The following CTNNA3 variants were observed in gnomAD, a reference collection of about 807,000 sequenced individuals.
The protein encoded by CTNNA3 is catenin alpha-3.
Under a neutral mutation model 95.7 loss-of-function variants are expected in CTNNA3, and 76 were observed. That is an observed-to-expected ratio of 0.79 (90% CI 0.66 to 0.96). CTNNA3 has a LOEUF of 0.96. CTNNA3 is among the 40% of genes least tolerant of loss of function. The pLI is 0.00. For missense variants in CTNNA3, 1,191 were observed against 1,089.8 expected (o/e 1.09, Z -1.31); for synonymous variants, 431 against 374.4 (o/e 1.15, Z -1.74).
chr10:66,460,507 T>C (rs939660347), intron 11 of CTNNA3, among the ~76,000 whole-genome samples: 4 of 152,160 alleles, frequency 2.6e-5, no homozygotes, highest in African/African-American at 9.7e-5. Flanking sequence ...CAGGGAACCA[T>C]GCTTGTTCTA....
At chr10:66,920,040 G>T (rs990774601) in intron 7 of CTNNA3, among the ~76,000 whole-genome samples, 15 of 152,088 alleles carry the variant, frequency 9.9e-5, no homozygotes, top group African/African-American at 3.4e-4. Flanking sequence ...AAATACTGAG[G>T]AATGTTTCCT....
chr10:67,012,420 G>A (rs1852396385), intron 7 of CTNNA3: 1 of 151,986 alleles, frequency 6.6e-6, no homozygotes, highest in Admixed American at 6.6e-5. Context: ...AAAATTATTT[G>A]ATATAATATA....
At chr10:67,504,495 G>GA (rs1210916081) in intron 5 of CTNNA3, among the ~76,000 whole-genome samples, 40 of 110,690 alleles carry the variant, frequency 3.6e-4, no homozygotes, top group African/African-American at 8.0e-4. Flanking sequence ...ATAGAAGAAA[G>GA]AAAAAAAAAT....
chr10:66,932,533 A>G (rs961391324), intron 7 of CTNNA3, among the ~76,000 whole-genome samples: 3 of 152,138 alleles, frequency 2.0e-5, no homozygotes, highest in Admixed American at 6.6e-5. Flanking sequence ...GAGTTTTGCT[A>G]TTGTTGTATT....
At chr10:66,041,764 C>G (rs1422828783) in intron 15 of CTNNA3, among the ~76,000 whole-genome samples, 1 of 152,020 alleles carries the variant, frequency 6.6e-6, no homozygotes. Context: ...ACTTTCTGGT[C>G]TTTCTCTATT....
chr10:66,431,823 A>T (rs1283138822), intron 11 of CTNNA3, among the ~76,000 whole-genome samples: 1 of 151,898 alleles, frequency 6.6e-6, no homozygotes, highest in African/African-American at 2.4e-5. Flanking sequence ...GGTGCAGCAC[A>T]CCAACATGGC....
intron 9 of CTNNA3, among the ~76,000 whole-genome samples, chr10:66,653,114 C>T (rs79191595): frequency 6.6e-6 from 1 of 152,072 alleles, no homozygotes; most frequent in South Asian, 2.1e-4. Flanking sequence ...TAAGTCCCAG[C>T]CAGAGCAATT....
intron 7 of CTNNA3, among the ~76,000 whole-genome samples, chr10:66,996,864 C>G (rs375207153): frequency 2.0e-5 from 3 of 152,130 alleles, no homozygotes; most frequent in African/African-American, 2.4e-5. Context: ...TGTGAACTAA[C>G]ATCTGTAAAT....
chr10:66,603,535 T>C (rs751572536), intron 10 of CTNNA3, among the ~76,000 whole-genome samples: 13 of 152,110 alleles, frequency 8.5e-5, no homozygotes, highest in Non-Finnish European at 1.9e-4. Context: ...ACAGATTCAG[T>C]AGAATCCTTA....
intron 13 of CTNNA3, among the ~76,000 whole-genome samples, chr10:66,132,130 A>T (rs2083132707): frequency 1.3e-5 from 2 of 152,194 alleles, no homozygotes; most frequent in Non-Finnish European, 2.9e-5. Context: ...AGAATTGAGG[A>T]ATATATTTGC....
intron 5 of CTNNA3, among the ~76,000 whole-genome samples, chr10:67,474,983 T>C (rs368783227): frequency 2.0e-5 from 3 of 152,218 alleles, no homozygotes; most frequent in South Asian, 4.1e-4. Context: ...TGATTATTTA[T>C]GGCAGCTTTT....
At chr10:67,741,487 A>G (rs2133641518) in intron 1 of CTNNA3, among the ~76,000 whole-genome samples, 1 of 151,076 alleles carries the variant, frequency 6.6e-6, no homozygotes, top group African/African-American at 2.4e-5. Flanking sequence ...GGCCTGCCCT[A>G]AAACAGCTCC....
At chr10:67,590,155 C>G (rs1181380519) in intron 3 of CTNNA3, among the ~76,000 whole-genome samples, 2 of 152,034 alleles carry the variant, frequency 1.3e-5, no homozygotes, top group Non-Finnish European at 2.9e-5. Context: ...CATGTATAAG[C>G]AGCAAGTATC....
intron 7 of CTNNA3, among the ~76,000 whole-genome samples, chr10:67,089,437 T>G (rs1418718686): frequency 6.6e-6 from 1 of 152,064 alleles, no homozygotes; most frequent in African/African-American, 2.4e-5. Context: ...CAGCCTGTTG[T>G]ACTCACACCA....
intron 1 of CTNNA3, among the ~76,000 whole-genome samples, chr10:67,674,626 T>A (rs1840502823): frequency 6.6e-6 from 1 of 152,170 alleles, no homozygotes; most frequent in East Asian, 1.9e-4. Flanking sequence ...TTAACTCCCA[T>A]CAACATGGGA....
intron 13 of CTNNA3, among the ~76,000 whole-genome samples, chr10:66,226,793 A>G (rs1661937801): frequency 6.6e-6 from 1 of 151,098 alleles, no homozygotes; most frequent in African/African-American, 2.5e-5. Context: ...ATTTATTCTT[A>G]GGTATTTTTT....
intron 12 of CTNNA3, among the ~76,000 whole-genome samples, chr10:66,349,279 A>C (rs1190746535): frequency 6.6e-6 from 1 of 152,038 alleles, no homozygotes; most frequent in Non-Finnish European, 1.5e-5. Flanking sequence ...GAATTCCGCC[A>C]ACAACCTGAA....
rs182192369 is a variant in CTNNA3, at chr10:67,336,904, T to A, written c.580-117034A>T. Among the ~76,000 whole-genome samples, 7 of 152,256 alleles carry A rather than the reference T, an allele frequency of 4.6e-5. No homozygotes were observed. In the East Asian group the frequency reaches 1.2e-3, roughly 25 times the overall value. On this transcript the variant is annotated intron_variant, in intron 5 of 17. Coordinates refer to ENST00000433211, the MANE Select transcript of CTNNA3 (RefSeq NM_013266.4). ...GAGACCTACTGCTCAGAAAAAAGATTCCTTTCAAAATATTACAGTTCTTTG... is the reference window on the plus strand; with the variant it reads ...GAGACCTACTGCTCAGAAAAAAGATACCTTTCAAAATATTACAGTTCTTTG...
At chr10:66,764,613 T>C (rs1473925402) in intron 9 of CTNNA3, among the ~76,000 whole-genome samples, 2 of 152,148 alleles carry the variant, frequency 1.3e-5, no homozygotes, top group African/African-American at 4.8e-5. Context: ...GAGGATTTCA[T>C]AAAAAGAAGT....
Sources: gnomAD v4.1 joint callset for allele counts (sites outside exome capture counted in the v4.1 genomes callset) on GRCh38, gnomAD v4.1.1 for gene constraint, MANE v1.5 for transcripts, NCBI Gene and HGNC (gene_info 2026-07-23, HGNC 2026-07-21) for gene names.